RSU1: variants seen among roughly 807,000 people sequenced by gnomAD.
RSU1 encodes rsu-1.
RSU1 carries 26 observed loss-of-function variants against 31.1 expected under a neutral mutation model. The ratio of observed to expected loss-of-function variants is 0.84; its 90% CI spans 0.61 to 1.16. RSU1 has a LOEUF of 1.16. Among genes scored for constraint, RSU1 ranks in the 50% most tolerant of loss-of-function variants. The pLI is 0.00. For synonymous variants in RSU1, 164 were observed against 136.3 expected (o/e 1.20, Z -1.41); for missense variants, 320 against 339.1 (o/e 0.94, Z 0.44).
intron 8 of RSU1, among the ~76,000 whole-genome samples, chr10:16,608,457 A>G (rs1307285029): frequency 1.3e-5 from 2 of 152,198 alleles, no homozygotes; most frequent in African/African-American, 4.8e-5. Context: ...GGCTCTCACC[A>G]GGTGAGCTTT....
At chr10:16,750,863 C>CT (rs11296913) in intron 7 of RSU1, among the ~76,000 whole-genome samples, 3,778 of 139,698 alleles carry the variant, frequency 0.027, 126 homozygotes, top group African/African-American at 0.072. Flanking sequence ...CAAGATCTCT[C>CT]TTTTTTTTTT....
At chr10:16,654,929 T>C (rs1177155381) in intron 8 of RSU1, among the ~76,000 whole-genome samples, 1 of 151,508 alleles carries the variant, frequency 6.6e-6, no homozygotes, top group East Asian at 1.9e-4. Context: ...GTGGGTGTGG[T>C]GGCACGTGCC....
intron 8 of RSU1, among the ~76,000 whole-genome samples, chr10:16,652,225 TA>T (rs1564301597): frequency 6.6e-6 from 1 of 151,780 alleles, no homozygotes; most frequent in Admixed American, 6.6e-5. Context: ...AGGAAGATAA[TA>T]AACAAAACAA....
At chr10:16,725,894 T>C (rs1373096521) in intron 7 of RSU1, among the ~76,000 whole-genome samples, 1 of 149,002 alleles carries the variant, frequency 6.7e-6, no homozygotes, top group African/African-American at 2.5e-5. Flanking sequence ...AAAAATAAAA[T>C]TCTTGGCAAT....
At chr10:16,633,608 G>T (rs1834292031) in intron 8 of RSU1, among the ~76,000 whole-genome samples, 1 of 152,136 alleles carries the variant, frequency 6.6e-6, no homozygotes, top group Non-Finnish European at 1.5e-5. Context: ...ACTATGTTGA[G>T]GTGGTGAGTC....
intron 3 of RSU1, among the ~76,000 whole-genome samples, chr10:16,765,962 C>T (rs867444774): frequency 1.7e-4 from 26 of 152,278 alleles, no homozygotes; most frequent in Middle Eastern, 3.4e-3. Flanking sequence ...CATTTCAAGA[C>T]GACCAATTGA....
At chr10:16,680,759 C>A (rs1170280148) in intron 8 of RSU1, among the ~76,000 whole-genome samples, 1 of 152,204 alleles carries the variant, frequency 6.6e-6, no homozygotes, top group Non-Finnish European at 1.5e-5. Flanking sequence ...TCCCACCAGG[C>A]CTCACCTCCA....
At chr10:16,733,215 G>A (rs1433795373) in intron 7 of RSU1, among the ~76,000 whole-genome samples, 3 of 151,826 alleles carry the variant, frequency 2.0e-5, no homozygotes, top group African/African-American at 7.3e-5. Flanking sequence ...ACCCGGCTGG[G>A]CATGGTGGCT....
chr10:16,779,929 G>T (rs1253660765), intron 3 of RSU1, among the ~76,000 whole-genome samples: 1 of 152,094 alleles, frequency 6.6e-6, no homozygotes, highest in Non-Finnish European at 1.5e-5. Flanking sequence ...GCTTGAAACA[G>T]AATTTACCAA....
chr10:16,707,582 T>TC lies in RSU1; in HGVS notation c.599-12428_599-12427insG, dbSNP rs1038259757. 5.3e-3 allele frequency among the ~76,000 whole-genome samples: 811 copies of TC among 151,874 alleles called. 6 individuals are homozygous for TC. Among genetic ancestry groups the TC allele is most frequent in the Non-Finnish European group, 9.2e-3 (628 of 67,920 alleles). Reference sequence around the variant, plus strand: ...TTTTCTTAATCAGGTTTTTTTTTTTTTTGCTGTTATGATCCTTTTATGTTC... The same window carrying TC: ...TTTTCTTAATCAGGTTTTTTTTTTTTCTTGCTGTTATGATCCTTTTATGTTC... On this transcript the variant is annotated intron_variant, in intron 7 of 8. Coordinates refer to ENST00000345264, the MANE Select transcript of RSU1 (RefSeq NM_012425.4).
At chr10:16,775,051 A>C (rs1395021994) in intron 3 of RSU1, among the ~76,000 whole-genome samples, 1 of 152,140 alleles carries the variant, frequency 6.6e-6, no homozygotes, top group East Asian at 1.9e-4. Flanking sequence ...AAAAAATAAA[A>C]ACATAAAAAA....
At chr10:16,731,191 A>C (rs1836505022) in intron 7 of RSU1, among the ~76,000 whole-genome samples, 1 of 152,164 alleles carries the variant, frequency 6.6e-6, no homozygotes, top group Non-Finnish European at 1.5e-5. Flanking sequence ...TAGTTAATTT[A>C]ACCATTTTTA....
intron 7 of RSU1, among the ~76,000 whole-genome samples, chr10:16,740,643 A>C (rs1373439449): frequency 6.6e-6 from 1 of 152,236 alleles, no homozygotes; most frequent in Non-Finnish European, 1.5e-5. Context: ...AAATCAATAC[A>C]GTATCCACTG....
rs568602769 is a variant in RSU1, at chr10:16,733,499, C to T, written c.598+19040G>A. On this transcript the variant is annotated intron_variant, in intron 7 of 8. Transcript: ENST00000345264. The stretch of plus-strand genomic sequence containing the variant: ...CTCCAGCTTGGGTGACAGAGTGAGA[C>T]TCTGTCGCAAAACAAACAAACAAAC... Among the ~76,000 whole-genome samples the T allele has an allele frequency of 5.9e-5, 9 of 152,130 alleles. No homozygotes were observed. In the South Asian group the frequency reaches 1.9e-3, roughly 32 times the overall value.
At chr10:16,711,353 C>T (rs896726257) in intron 7 of RSU1, among the ~76,000 whole-genome samples, 3 of 151,938 alleles carry the variant, frequency 2.0e-5, no homozygotes, top group Admixed American at 6.6e-5. Flanking sequence ...ACCAACTCTT[C>T]GTTTTCTTGA....
intron 3 of RSU1, among the ~76,000 whole-genome samples, chr10:16,769,060 T>C (rs1034896017): frequency 1.3e-5 from 2 of 152,124 alleles, no homozygotes; most frequent in Non-Finnish European, 2.9e-5. Context: ...AAATCAACAA[T>C]CAATCAGCTC....
rs555271400 is a variant in RSU1, at chr10:16,613,463, G to A, written c.732-19967C>T. Reference sequence around the variant, plus strand: ...TAGTGGACTTCACCACTCTAACTTGGTGTAGGGCTTCATCCCATCCCCATC... The same window carrying A: ...TAGTGGACTTCACCACTCTAACTTGATGTAGGGCTTCATCCCATCCCCATC... On this transcript the variant is annotated intron_variant, in intron 8 of 8. Transcript: ENST00000345264. Among the ~76,000 whole-genome samples the A allele has an allele frequency of 4.6e-5, 7 of 152,284 alleles. No individual in the cohort carries two copies. The East Asian group carries it at 1.4e-3, about 29-fold the overall frequency.
intron 7 of RSU1, among the ~76,000 whole-genome samples, chr10:16,710,479 G>T (rs1170968370): frequency 2.0e-5 from 3 of 151,948 alleles, no homozygotes; most frequent in Non-Finnish European, 4.4e-5. Context: ...TGTTGTTGTT[G>T]TATCGTTGTC....
At chr10:16,640,110 A>G (rs113723899) in intron 8 of RSU1, among the ~76,000 whole-genome samples, 1 of 152,282 alleles carries the variant, frequency 6.6e-6, no homozygotes, top group East Asian at 1.9e-4. Context: ...CAGAAAAATT[A>G]TGACAGGGGA....
Sources: allele counts gnomAD v4.1 joint callset (sites outside exome capture counted in the v4.1 genomes callset), GRCh38; gene constraint gnomAD v4.1.1; transcripts MANE v1.5; gene names NCBI Gene and HGNC (gene_info 2026-07-23, HGNC 2026-07-21).